Variants in GRM8 observed in about 807,000 individuals in gnomAD.
GRM8 encodes the protein metabotropic glutamate receptor 8.
GRM8 carries 47 observed loss-of-function variants against 87.2 expected under a neutral mutation model. The ratio of observed to expected loss-of-function variants is 0.54; its 90% CI spans 0.43 to 0.69. GRM8 has a LOEUF of 0.69. Ranked by LOEUF, GRM8 falls within the 30% of genes least tolerant of loss-of-function variation. The pLI is 0.00. For missense variants in GRM8, 1,019 were observed against 1,139.2 expected, an observed-to-expected ratio of 0.89 and a Z score of 1.52; for synonymous variants, 396 against 404.5, an observed-to-expected ratio of 0.98 and a Z score of 0.25.
At chr7:126,614,963 C>G (rs556019737) in intron 7 of GRM8, among the ~76,000 whole-genome samples, 9 of 152,258 alleles carry the variant, frequency 5.9e-5, no homozygotes, top group African/African-American at 1.7e-4. Flanking sequence ...GGATATTATC[C>G]AGGAGAACTT....
chr7:126,770,540 T>C (rs1034051302), intron 6 of GRM8, among the ~76,000 whole-genome samples: 2 of 152,094 alleles, frequency 1.3e-5, no homozygotes, highest in African/African-American at 4.8e-5. Flanking sequence ...GTAACTTTTA[T>C]ATGACAATAC....
chr7:126,733,223 G>A (rs984860189), intron 7 of GRM8, among the ~76,000 whole-genome samples: 3 of 151,824 alleles, frequency 2.0e-5, no homozygotes, highest in African/African-American at 7.3e-5. Flanking sequence ...AACAATGTTA[G>A]AACTATTAAA....
Position 126,533,432 on chromosome 7 carries a change from G to A in GRM8, c.1950C>T (p.Phe650=), listed in dbSNP as rs1193616490. 1 of 1,614,046 alleles carries A rather than the reference G, an allele frequency of 6.2e-7. No individual in the cohort carries two copies. The highest frequency in any genetic ancestry group is 1.1e-5 in the South Asian group (1 of 91,080). The part of the protein sequence containing the change: ...IAAPDTIICS[F]RRVFLGLGMC... The stretch of plus-strand genomic sequence containing the variant: ...TGCCAAGTCCTAGGAAGACCCGTCG[G>A]AAGGAGCATATGATTGTATCTGGTG... The change falls in exon 9 of 11, where the codon TTC becomes TTT. Residue 650 remains phenylalanine (F), a synonymous_variant. Transcript: ENST00000339582.
chr7:126,460,170 G>T (rs1803733611), intron 9 of GRM8, among the ~76,000 whole-genome samples: 1 of 151,554 alleles, frequency 6.6e-6, no homozygotes, highest in Admixed American at 6.6e-5. Flanking sequence ...TCACTATCAT[G>T]TCTGATGTAG....
chr7:126,725,425 A>T (rs950843333), intron 7 of GRM8, among the ~76,000 whole-genome samples: 2 of 152,134 alleles, frequency 1.3e-5, no homozygotes, highest in Non-Finnish European at 2.9e-5. Context: ...CACAATCCCT[A>T]TGTTGACTAA....
intron 3 of GRM8, among the ~76,000 whole-genome samples, chr7:126,968,419 G>T (rs1382207198): frequency 6.6e-6 from 1 of 152,116 alleles, no homozygotes; most frequent in African/African-American, 2.4e-5. Context: ...GCTGCTGTAA[G>T]GCCAAGCAAC....
intron 7 of GRM8, among the ~76,000 whole-genome samples, chr7:126,643,518 C>T (rs1802709816): frequency 7.5e-6 from 1 of 132,648 alleles, no homozygotes; most frequent in East Asian, 2.4e-4. Flanking sequence ...ATATGTATAG[C>T]TATTAAATTT....
intron 3 of GRM8, among the ~76,000 whole-genome samples, chr7:127,073,619 C>T (rs1586921703): frequency 6.6e-6 from 1 of 152,038 alleles, no homozygotes; most frequent in Non-Finnish European, 1.5e-5. Context: ...GCTTGGCTTT[C>T]CCAAAGTCTA....
At chr7:127,077,933 C>T (rs143290754) in intron 3 of GRM8, among the ~76,000 whole-genome samples, 9 of 152,188 alleles carry the variant, frequency 5.9e-5, no homozygotes, top group Non-Finnish European at 1.0e-4. Flanking sequence ...GAGGAGGTAC[C>T]GGAACTTGAC....
At chr7:126,518,905 T>G (rs1044347950) in intron 9 of GRM8, among the ~76,000 whole-genome samples, 12 of 152,034 alleles carry the variant, frequency 7.9e-5, no homozygotes, top group Admixed American at 7.2e-4. Flanking sequence ...GAAGATAACT[T>G]CCTTAATCAA....
chr7:126,729,490 T>C (rs1585695275), intron 7 of GRM8, among the ~76,000 whole-genome samples: 1 of 152,186 alleles, frequency 6.6e-6, no homozygotes, highest in Non-Finnish European at 1.5e-5. Context: ...CCATATCCTA[T>C]ATGCCGTGTA....
At chr7:126,749,202 G>T (rs13237160) in intron 7 of GRM8, among the ~76,000 whole-genome samples, 2 of 151,914 alleles carry the variant, frequency 1.3e-5, no homozygotes, top group Non-Finnish European at 2.9e-5. Context: ...CGCTTGAACC[G>T]GGAGGGAGAG....
chr7:126,631,556 A>T (rs144945074), intron 7 of GRM8, among the ~76,000 whole-genome samples: 1 of 152,206 alleles, frequency 6.6e-6, no homozygotes, highest in Non-Finnish European at 1.5e-5. Flanking sequence ...ATTAAAAACA[A>T]AAAAAAACTC....
chr7:127,232,836 T>A (rs1797770043), intron 2 of GRM8, among the ~76,000 whole-genome samples: 1 of 151,998 alleles, frequency 6.6e-6, no homozygotes, highest in African/African-American at 2.4e-5. Flanking sequence ...TAACTGGGGT[T>A]TTTTGTTTTT....
chr7:126,791,986 G>C (rs1821390011), intron 6 of GRM8, among the ~76,000 whole-genome samples: 9 of 152,090 alleles, frequency 5.9e-5, no homozygotes, highest in Admixed American at 5.9e-4. Context: ...CCTGGTATTT[G>C]GAAACATCCT....
At chr7:126,497,776 T>C (rs1391131410) in intron 9 of GRM8, among the ~76,000 whole-genome samples, 1 of 151,860 alleles carries the variant, frequency 6.6e-6, no homozygotes, top group African/African-American at 2.4e-5. Context: ...TAAATGTGAG[T>C]CTTAAATGAT....
At chr7:126,814,708 T>G (rs2151747453) in intron 6 of GRM8, among the ~76,000 whole-genome samples, 1 of 152,132 alleles carries the variant, frequency 6.6e-6, no homozygotes, top group Middle Eastern at 3.4e-3. Flanking sequence ...TTCTCTTTTT[T>G]TTTTGTCTAT....
intron 4 of GRM8, among the ~76,000 whole-genome samples, 165 bp downstream of exon 4, chr7:126,904,383 A>G (rs1802468922): frequency 6.6e-6 from 1 of 152,170 alleles, no homozygotes; most frequent in African/African-American, 2.4e-5. Context: ...GTCTTATCTC[A>G]TTTGGTCCCC....
intron 7 of GRM8, among the ~76,000 whole-genome samples, chr7:126,664,020 C>T (rs1257754861): frequency 6.6e-6 from 1 of 152,072 alleles, no homozygotes; most frequent in Admixed American, 6.6e-5. Context: ...AGAGCCAAAT[C>T]AAGAACATGA....
Sources: allele counts gnomAD v4.1 joint callset (sites outside exome capture counted in the v4.1 genomes callset), GRCh38; gene constraint gnomAD v4.1.1; transcripts MANE v1.5; gene names NCBI Gene and HGNC (gene_info 2026-07-23, HGNC 2026-07-21).